Variants in SNTG1 observed in about 807,000 individuals in gnomAD.
SNTG1 encodes gamma-1-syntrophin.
A neutral mutation model predicts 74.7 loss-of-function variants in SNTG1; 39 were observed. The observed-to-expected ratio is 0.52, with a 90% confidence interval of 0.40 to 0.68. The LOEUF (loss-of-function observed/expected upper bound fraction) is 0.68, where lower values mean the gene tolerates loss of function less well. SNTG1 is among the 30% of genes least tolerant of loss of function. The pLI is 0.00. For missense variants in SNTG1, 685 were observed against 609.5 expected, an observed-to-expected ratio of 1.12 and a Z score of -1.30; for synonymous variants, 254 against 217.1, an observed-to-expected ratio of 1.17 and a Z score of -1.49.
At chr8:50,537,064 C>T (rs1053973130) in intron 11 of SNTG1, among the ~76,000 whole-genome samples, 1 of 152,140 alleles carries the variant, frequency 6.6e-6, no homozygotes, top group African/African-American at 2.4e-5. Flanking sequence ...ATTAAGTTTT[C>T]ATATTTCATA....
At chr8:50,205,839 T>G (rs902696584) in intron 2 of SNTG1, among the ~76,000 whole-genome samples, 4 of 152,136 alleles carry the variant, frequency 2.6e-5, no homozygotes, top group Non-Finnish European at 5.9e-5. Flanking sequence ...TTTCCCCATT[T>G]CTTGTTTTTG....
At chr8:50,087,887 C>T (rs1823053424) in intron 1 of SNTG1, among the ~76,000 whole-genome samples, 1 of 149,386 alleles carries the variant, frequency 6.7e-6, no homozygotes, top group South Asian at 2.1e-4. Context: ...CCCACTAACT[C>T]GTCATCTAGC....
intron 2 of SNTG1, among the ~76,000 whole-genome samples, chr8:50,313,816 C>A (rs1378100123): frequency 6.7e-6 from 1 of 149,960 alleles, no homozygotes; most frequent in Non-Finnish European, 1.5e-5. Flanking sequence ...TTTTACCTCC[C>A]TTTATCATAA....
Position 50,538,400 on chromosome 8 carries a change from T to A in SNTG1, c.680+1592T>A, listed in dbSNP as rs187780272. Among the ~76,000 whole-genome samples, 84 of 152,220 alleles carry A rather than the reference T, an allele frequency of 5.5e-4. 1 individual carries two copies. In the South Asian group the frequency reaches 9.3e-3, roughly 17 times the overall value. On this transcript the variant is annotated intron_variant, in intron 11 of 18. Transcript: ENST00000642720. ...CTTTTACCGCTTCCTTTCTGCTTAA[T>A]TTTTTTAGACATTCTTTAAAGGTAG...
chr8:50,082,874 C>A (rs768562967), intron 1 of SNTG1, among the ~76,000 whole-genome samples: 3 of 152,108 alleles, frequency 2.0e-5, no homozygotes, highest in Non-Finnish European at 2.9e-5. Context: ...TCTACAGCTC[C>A]CTATTACATC....
intron 1 of SNTG1, among the ~76,000 whole-genome samples, chr8:50,080,905 T>A (rs551399350): frequency 2.5e-4 from 38 of 152,296 alleles, no homozygotes; most frequent in Non-Finnish European, 3.7e-4. Flanking sequence ...TTCAGAATTA[T>A]AATTGCTTAT....
chr8:50,583,005 A>T (rs1435228230), intron 12 of SNTG1, among the ~76,000 whole-genome samples: 1 of 152,122 alleles, frequency 6.6e-6, no homozygotes, highest in East Asian at 1.9e-4. Flanking sequence ...AAAAAAATTG[A>T]ATTTTATATT....
chr8:50,643,435 C>G (rs1211167105), intron 13 of SNTG1, among the ~76,000 whole-genome samples: 1 of 152,164 alleles, frequency 6.6e-6, no homozygotes, highest in Non-Finnish European at 1.5e-5. Context: ...GCTGGCTCAG[C>G]AGTGGTTTTC....
chr8:50,762,001 A>T lies in SNTG1; in HGVS notation c.1395+9890A>T, dbSNP rs181097079. Among the ~76,000 whole-genome samples the T allele has an allele frequency of 8.8e-3, 1,336 of 152,124 alleles. 5 individuals carry two copies. The highest frequency in any genetic ancestry group is 0.017 in the Middle Eastern group (5 of 294). ...GAATTCTAATTACACTGGCATAGTT[A>T]AGGCCAAAAATATAAAGTAGACATT... is the stretch of plus-strand genomic sequence containing the variant. On this transcript the variant is annotated intron_variant, in intron 18 of 18. Transcript: ENST00000642720.
At chr8:50,133,580 C>A (rs1216356265) in intron 1 of SNTG1, among the ~76,000 whole-genome samples, 1 of 152,130 alleles carries the variant, frequency 6.6e-6, no homozygotes, top group Non-Finnish European at 1.5e-5. Flanking sequence ...CATAGCCATG[C>A]CCCCTCTGAC....
chr8:50,575,167 T>C (rs1040182585), intron 12 of SNTG1, among the ~76,000 whole-genome samples: 1 of 152,190 alleles, frequency 6.6e-6, no homozygotes, highest in Admixed American at 6.5e-5. Flanking sequence ...CATATGTATT[T>C]TTAAGAAGAG....
chr8:50,502,929 C>CATA (rs747282484), intron 9 of SNTG1, 49 bp downstream of exon 9: 1 of 1,391,642 alleles, frequency 7.2e-7, no homozygotes, highest in South Asian at 1.3e-5. Context: ...ATTATAGTTA[C>CATA]ATAATTATTA....
intron 8 of SNTG1, among the ~76,000 whole-genome samples, chr8:50,491,929 C>A (rs1319824428): frequency 1.6e-5 from 2 of 126,692 alleles, no homozygotes; most frequent in Non-Finnish European, 3.2e-5. Flanking sequence ...TGTTCCCCTT[C>A]CTATGTCCAC....
At chr8:50,209,549 A>G (rs1408413596) in intron 2 of SNTG1, among the ~76,000 whole-genome samples, 2 of 152,116 alleles carry the variant, frequency 1.3e-5, no homozygotes, top group Non-Finnish European at 2.9e-5. Context: ...AGGCAGCAAC[A>G]TTTGCCGTTC....
At chr8:50,758,528 C>A (rs1016336977) in intron 18 of SNTG1, among the ~76,000 whole-genome samples, 5 of 151,868 alleles carry the variant, frequency 3.3e-5, no homozygotes, top group Middle Eastern at 3.2e-3. Context: ...TGTGTCCATG[C>A]GTTCTCATTG....
chr8:50,077,204 G>C (rs569178409), intron 1 of SNTG1, among the ~76,000 whole-genome samples: 50 of 152,230 alleles, frequency 3.3e-4, no homozygotes, highest in South Asian at 8.3e-4. Flanking sequence ...CAATTTGGCA[G>C]TTTTGTGTAG....
At chr8:50,758,273 A>G (rs2095586727) in intron 18 of SNTG1, among the ~76,000 whole-genome samples, 1 of 151,788 alleles carries the variant, frequency 6.6e-6, no homozygotes, top group Non-Finnish European at 1.5e-5. Flanking sequence ...TATCTCTGTA[A>G]ACTGTGATGT....
chr8:50,470,997 G>A (rs1825125), intron 8 of SNTG1, among the ~76,000 whole-genome samples: 110,088 of 151,946 alleles, frequency 0.72, 41,498 homozygotes, highest in East Asian at 0.85. Context: ...CAAACCTTTA[G>A]CTAGACACAG....
At chr8:50,136,350 G>T (rs2081475798) in intron 1 of SNTG1, among the ~76,000 whole-genome samples, 1 of 152,142 alleles carries the variant, frequency 6.6e-6, no homozygotes, top group South Asian at 2.1e-4. Flanking sequence ...CATGGTGGAT[G>T]AATTAGTTTC....
Sources: gnomAD v4.1 joint callset for allele counts (sites outside exome capture counted in the v4.1 genomes callset) on GRCh38, gnomAD v4.1.1 for gene constraint, MANE v1.5 for transcripts, NCBI Gene and HGNC (gene_info 2026-07-23, HGNC 2026-07-21) for gene names.